ARHGAP42: variants seen among roughly 807,000 people sequenced by gnomAD.
ARHGAP42 encodes the protein Rho GTPase activating protein 42.
Under a neutral mutation model 125.0 loss-of-function variants are expected in ARHGAP42, and 63 were observed. The ratio of observed to expected loss-of-function variants is 0.50; its 90% CI spans 0.41 to 0.62. The LOEUF (loss-of-function observed/expected upper bound fraction) is 0.62, where lower values mean the gene tolerates loss of function less well. Among genes scored for constraint, ARHGAP42 ranks in the 20% least tolerant of loss-of-function variants. The pLI, the probability that ARHGAP42 is intolerant of heterozygous loss-of-function variation, is 0.00. For missense variants in ARHGAP42, 766 were observed against 1,024.2 expected (o/e 0.75, Z 3.44); for synonymous variants, 339 against 351.0 (o/e 0.97, Z 0.38).
intron 1 of ARHGAP42, among the ~76,000 whole-genome samples, chr11:100,750,201 T>C (rs989846621): frequency 2.0e-5 from 3 of 152,222 alleles, no homozygotes; most frequent in African/African-American, 7.2e-5. Context: ...TTTAATTCTC[T>C]GCAAGGCAAC....
At chr11:100,982,477 C>T (rs954396968) in intron 22 of ARHGAP42, among the ~76,000 whole-genome samples, 28 of 152,208 alleles carry the variant, frequency 1.8e-4, no homozygotes, top group Admixed American at 1.4e-3. Flanking sequence ...TCATAGTGCC[C>T]GGCACAGCCC....
intron 4 of ARHGAP42, among the ~76,000 whole-genome samples, chr11:100,862,606 A>G (rs995942418): frequency 6.6e-6 from 1 of 152,216 alleles, no homozygotes; most frequent in African/African-American, 2.4e-5. Context: ...GGTCTTGAGC[A>G]TTAATATTAT....
intron 3 of ARHGAP42, among the ~76,000 whole-genome samples, chr11:100,848,921 C>T (rs780977529): frequency 2.1e-4 from 32 of 152,118 alleles, no homozygotes; most frequent in Non-Finnish European, 3.5e-4. Flanking sequence ...TCTGATTGTA[C>T]GCATCGTGAT....
chr11:100,842,499 A>G (rs1864966873), intron 3 of ARHGAP42, among the ~76,000 whole-genome samples: 1 of 152,182 alleles, frequency 6.6e-6, no homozygotes, highest in South Asian at 2.1e-4. Flanking sequence ...CCCAAGAAGC[A>G]TATTAGCACC....
intron 1 of ARHGAP42, among the ~76,000 whole-genome samples, chr11:100,727,324 G>A (rs79375753): frequency 1.1e-3 from 169 of 152,264 alleles, no homozygotes; most frequent in African/African-American, 3.6e-3. Context: ...GTAATTTCAT[G>A]GGCAGTAAGG....
chr11:100,923,622 G>A (rs1427794522), intron 6 of ARHGAP42, among the ~76,000 whole-genome samples: 1 of 152,122 alleles, frequency 6.6e-6, no homozygotes, highest in African/African-American at 2.4e-5. Context: ...TAAAAATACA[G>A]TAGAGAAGTA....
At chr11:100,849,637 A>G (rs1865157029) in intron 3 of ARHGAP42, among the ~76,000 whole-genome samples, 1 of 152,074 alleles carries the variant, frequency 6.6e-6, no homozygotes, top group East Asian at 1.9e-4. Flanking sequence ...GGCTTATTCA[A>G]TCAAGGAATT....
At chr11:100,974,216 T>C (rs905285009) in intron 18 of ARHGAP42, among the ~76,000 whole-genome samples, 11 of 152,302 alleles carry the variant, frequency 7.2e-5, no homozygotes, top group African/African-American at 2.4e-4. Context: ...ATATGTCTTG[T>C]TCATATTTGG....
chr11:100,847,372 C>A (rs1262980538), intron 3 of ARHGAP42, among the ~76,000 whole-genome samples: 1 of 152,080 alleles, frequency 6.6e-6, no homozygotes, highest in Non-Finnish European at 1.5e-5. Flanking sequence ...ATCTGCCATG[C>A]GCATGGTAGA....
chr11:100,732,296 G>C (rs1027817868), intron 1 of ARHGAP42, among the ~76,000 whole-genome samples: 13 of 152,106 alleles, frequency 8.5e-5, no homozygotes, highest in Admixed American at 3.3e-4. Flanking sequence ...CTCCATGAAG[G>C]CAGGGATTTT....
intron 6 of ARHGAP42, among the ~76,000 whole-genome samples, chr11:100,922,091 T>C (rs966963163): frequency 1.3e-5 from 2 of 152,044 alleles, no homozygotes; most frequent in Non-Finnish European, 2.9e-5. Context: ...GTGTATTAAT[T>C]AAAGAAATTT....
chr11:100,844,127 A>G (rs1228276246), intron 3 of ARHGAP42, among the ~76,000 whole-genome samples: 1 of 152,122 alleles, frequency 6.6e-6, no homozygotes, highest in Non-Finnish European at 1.5e-5. Context: ...CAGAAAAGAG[A>G]ACCCAGAAAT....
intron 1 of ARHGAP42, among the ~76,000 whole-genome samples, chr11:100,727,133 A>G (rs1235998787): frequency 6.6e-6 from 1 of 152,208 alleles, no homozygotes; most frequent in African/African-American, 2.4e-5. Flanking sequence ...TTCATTCTGA[A>G]GTTTTTCTTT....
intron 4 of ARHGAP42, among the ~76,000 whole-genome samples, chr11:100,904,422 T>G (rs1263452933): frequency 1.3e-5 from 2 of 152,110 alleles, no homozygotes; most frequent in Non-Finnish European, 2.9e-5. Flanking sequence ...AATTTTTGTA[T>G]TTTTAGTAGA....
intron 10 of ARHGAP42, among the ~76,000 whole-genome samples, chr11:100,946,599 C>G (rs1399252184): frequency 1.3e-5 from 2 of 151,870 alleles, no homozygotes; most frequent in African/African-American, 4.8e-5. Context: ...AATAGGGAAG[C>G]TAAGGGGAGG....
chr11:100,744,907 G>A (rs931270059), intron 1 of ARHGAP42, among the ~76,000 whole-genome samples: 4 of 152,198 alleles, frequency 2.6e-5, no homozygotes, highest in Admixed American at 1.3e-4. Flanking sequence ...GCTCACACCT[G>A]GACAAGGGAC....
chr11:100,719,931 C>T (rs1861731863), intron 1 of ARHGAP42, among the ~76,000 whole-genome samples: 1 of 152,212 alleles, frequency 6.6e-6, no homozygotes, highest in African/African-American at 2.4e-5. Flanking sequence ...TGTAGTTTCA[C>T]CCCCAACCTT....
chr11:100,851,504 C>T (rs951624331), intron 3 of ARHGAP42, among the ~76,000 whole-genome samples: 1 of 152,110 alleles, frequency 6.6e-6, no homozygotes, highest in African/African-American at 2.4e-5. Context: ...CTGTGCTGCC[C>T]ATCTGTGGAA....
rs560219344 is a variant in ARHGAP42 at position 100,846,921 on chromosome 11, C to A, written c.313-12633C>A. Among the ~76,000 whole-genome samples the A allele has an allele frequency of 6.6e-5, 10 of 152,224 alleles. No individual in the cohort carries two copies. In the South Asian group the frequency reaches 1.7e-3, roughly 25 times the overall value. ...ATTTATAAGTCGTGTTACATGGTGG[C>A]ATGCCAGACCCCTGTTAACTTCAAT... On this transcript the variant is annotated intron_variant, in intron 3 of 23. Coordinates refer to ENST00000298815, the MANE Select transcript of ARHGAP42 (RefSeq NM_152432.4).
Sources: gnomAD v4.1 joint callset for allele counts (sites outside exome capture counted in the v4.1 genomes callset) on GRCh38, gnomAD v4.1.1 for gene constraint, MANE v1.5 for transcripts, NCBI Gene and HGNC (gene_info 2026-07-23, HGNC 2026-07-21) for gene names.